GLIS1: variants seen among roughly 807,000 people sequenced by gnomAD.
GLIS1 encodes the protein GLIS family zinc finger 1.
In GLIS1, 24 loss-of-function variants were observed where a neutral mutation model predicts 63.8. The ratio of observed to expected loss-of-function variants is 0.38; its 90% CI spans 0.27 to 0.53. The LOEUF is 0.53. GLIS1 is among the 20% of genes least tolerant of loss of function. The pLI, the probability that GLIS1 is intolerant of heterozygous loss-of-function variation, is 0.85. For synonymous variants in GLIS1, 450 were observed against 482.5 expected (o/e 0.93, Z 0.88); for missense variants, 1,036 against 1,074.1 (o/e 0.96, Z 0.50).
rs554078977 is a variant in GLIS1, at chr1:53,721,346, G to A, written c.259+16460C>T. Among the ~76,000 whole-genome samples the A allele has an allele frequency of 1.5e-4, 23 of 152,298 alleles. No homozygotes were observed. The South Asian group carries it at 2.1e-3, about 14-fold the overall frequency. On this transcript the variant is annotated intron_variant, in intron 2 of 10. Coordinates refer to ENST00000628545, the MANE Select transcript of GLIS1 (RefSeq NM_001367484.1). ...TTTCTTCATCTGCAAATCGGGGAGA[G>A]TAACAGTAACTCCTTCCTAGGGCTG...
intron 2 of GLIS1, among the ~76,000 whole-genome samples, chr1:53,705,140 G>C (rs1288897673): frequency 1.3e-5 from 2 of 152,150 alleles, no homozygotes; most frequent in African/African-American, 4.8e-5. Flanking sequence ...TTCTAACTCA[G>C]TGTCGGGGCC....
chr1:53,710,533 G>A (rs777885995), intron 2 of GLIS1, among the ~76,000 whole-genome samples: 7 of 152,248 alleles, frequency 4.6e-5, no homozygotes, highest in Non-Finnish European at 1.0e-4. Flanking sequence ...ACACCCTGTT[G>A]CTTACAAATT....
Position 53,594,115 on chromosome 1 carries a change from T to C in GLIS1, c.1313A>G (p.Lys438Arg). ...CGGCCGGTGGGAACTCACCATGCAC[T>C]TGTTGGGCTTCTCGCCCGAGTGCAC... ...MRVHSGEKPN[K>R]CMFEGCSKAF... The change falls in exon 4 of 11, where the codon AAG becomes AGG. Residue 438 changes from lysine (K) to arginine (R), a missense_variant. By Grantham distance (26) the Lys-to-Arg change is conservative. Coordinates refer to ENST00000628545, the MANE Select transcript of GLIS1 (RefSeq NM_001367484.1). 6.2e-7 allele frequency: 1 copy of C among 1,608,834 alleles called. No homozygotes were observed. The highest frequency in any genetic ancestry group is 1.1e-5 in the South Asian group (1 of 90,752).
chr1:53,658,515 G>A (rs1645991133), intron 2 of GLIS1, among the ~76,000 whole-genome samples: 1 of 152,214 alleles, frequency 6.6e-6, no homozygotes, highest in Non-Finnish European at 1.5e-5. Context: ...AATTCTGTCA[G>A]GCAACACAGC....
intron 4 of GLIS1, among the ~76,000 whole-genome samples, chr1:53,590,288 A>G (rs1305913894): frequency 6.6e-6 from 1 of 152,130 alleles, no homozygotes; most frequent in Non-Finnish European, 1.5e-5. Flanking sequence ...CTGCCAAGTG[A>G]CTAAACCAGG....
intron 2 of GLIS1, among the ~76,000 whole-genome samples, chr1:53,627,976 T>TAAA (rs1450308390): frequency 6.6e-6 from 1 of 152,252 alleles, no homozygotes; most frequent in East Asian, 1.9e-4. Flanking sequence ...TTGCTCTTTC[T>TAAA]GCCCAATAGA....
intron 4 of GLIS1, among the ~76,000 whole-genome samples, chr1:53,578,079 C>T (rs1645050463): frequency 6.6e-6 from 1 of 152,168 alleles, no homozygotes; most frequent in Non-Finnish European, 1.5e-5. Context: ...CAAACAGTGT[C>T]ACCCTCGGGG....
In GLIS1 at chr1:53,529,782, T is replaced by A. The variant is rs1557434223; in HGVS notation, c.1482+9A>T. On this transcript the variant is annotated intron_variant, in intron 5 of 10. Transcript: ENST00000628545. ...CACCCCGCCCTGGGCCTCTGCCTGT[T>A]GGGCCTACCGTGTCTAGGTGGGTGC... is the stretch of plus-strand genomic sequence containing the variant. 3 of 1,609,494 alleles carry A rather than the reference T, an allele frequency of 1.9e-6. No individual in the cohort carries two copies. The highest frequency in any genetic ancestry group is 2.2e-5 in the South Asian group (2 of 90,862).
chr1:53,541,944 T>A (rs1400433430), intron 4 of GLIS1, among the ~76,000 whole-genome samples: 3 of 152,186 alleles, frequency 2.0e-5, no homozygotes, highest in Admixed American at 6.5e-5. Context: ...GCTCCTCCTG[T>A]GGCCAGTGAT....
intron 2 of GLIS1, among the ~76,000 whole-genome samples, chr1:53,644,341 A>G (rs1276504886): frequency 6.6e-6 from 1 of 152,208 alleles, no homozygotes; most frequent in Non-Finnish European, 1.5e-5. Context: ...ATATTGATGA[A>G]TTTTTCTTCA....
intron 2 of GLIS1, among the ~76,000 whole-genome samples, chr1:53,711,704 T>C (rs1215028830): frequency 6.6e-6 from 1 of 152,266 alleles, no homozygotes; most frequent in Non-Finnish European, 1.5e-5. Context: ...GGAAATCTCT[T>C]GGTTCAGTGT....
rs71722107 is a variant in GLIS1, at chr1:53,539,280, TCA to T, written c.1321-9330_1321-9329del. Among the ~76,000 whole-genome samples the T allele has an allele frequency of 0.38, 55,875 of 147,798 alleles. 10,586 individuals carry two copies. The highest frequency in any genetic ancestry group is 0.4 in the Admixed American group (6,040 of 14,940). On this transcript the variant is annotated intron_variant, in intron 4 of 10. Coordinates refer to ENST00000628545, the MANE Select transcript of GLIS1 (RefSeq NM_001367484.1). This position sits in a 1 kb window ranked among gnomAD's most constrained non-coding sequence, Gnocchi z 5.0. Reference sequence around the variant, plus strand: ...CACACACCAAGACCCAGAAACTCCCTCACACACACACACACACACTACACCTA... The same window carrying T: ...CACACACCAAGACCCAGAAACTCCCTCACACACACACACACACTACACCTA...
rs1177366824 is a variant in GLIS1, at chr1:53,592,114, A to T, written c.1320+1994T>A. Among the ~76,000 whole-genome samples the T allele has an allele frequency of 7.9e-5, 12 of 152,278 alleles. No individual in the cohort carries two copies. The East Asian group carries it at 2.3e-3, about 29-fold the overall frequency. Reference sequence around the variant, plus strand: ...GCCAGTGTAAGCCAGTGTCCTGTGAAGTCTGTGGAATCAAGTGAGATCCTG... The same window carrying T: ...GCCAGTGTAAGCCAGTGTCCTGTGATGTCTGTGGAATCAAGTGAGATCCTG... On this transcript the variant is annotated intron_variant, in intron 4 of 10. Coordinates refer to ENST00000628545, the MANE Select transcript of GLIS1 (RefSeq NM_001367484.1).
In GLIS1 at chr1:53,709,415, C is replaced by CATATACATATAT. The variant is rs777561220; in HGVS notation, c.259+28390_259+28391insATATATGTATAT. ...ATATACATATACATATATATATACA[C>CATATACATATAT]ACACACACACACACACACACACACA... On this transcript the variant is annotated intron_variant, in intron 2 of 10. Coordinates refer to ENST00000628545, the MANE Select transcript of GLIS1 (RefSeq NM_001367484.1). Among the ~76,000 whole-genome samples the CATATACATATAT allele has an allele frequency of 7.0e-4, 86 of 123,622 alleles. 4 individuals are homozygous for CATATACATATAT. Among genetic ancestry groups the CATATACATATAT allele is most frequent in the Middle Eastern group, 4.0e-3 (1 of 252 alleles). The allele number at this position is 123,622 out of a possible 152,430, so 81.1% of individuals were successfully genotyped here.
intron 5 of GLIS1, among the ~76,000 whole-genome samples, chr1:53,527,758 G>C (rs926520855): frequency 5.9e-5 from 9 of 152,276 alleles, no homozygotes; most frequent in Non-Finnish European, 2.9e-5. Flanking sequence ...TGCCTGCGGT[G>C]TTTATGTGGG....
chr1:53,730,896 C>T (rs1646853274), intron 2 of GLIS1, among the ~76,000 whole-genome samples: 1 of 152,192 alleles, frequency 6.6e-6, no homozygotes, highest in Admixed American at 6.5e-5. Flanking sequence ...TCACTCTGAT[C>T]CCCAGCCTGT....
At chr1:53,556,421 A>ATGTG (rs1411828546) in intron 4 of GLIS1, among the ~76,000 whole-genome samples, 14 of 58,450 alleles carry the variant, frequency 2.4e-4, no homozygotes, top group East Asian at 1.3e-3. Context: ...TACTGTAGGT[A>ATGTG]TGTGTGTGCA....
intron 2 of GLIS1, among the ~76,000 whole-genome samples, chr1:53,726,197 C>T (rs1026909193): frequency 6.6e-6 from 1 of 152,112 alleles, no homozygotes; most frequent in South Asian, 2.1e-4. Context: ...GACCCAAGGC[C>T]TTGATGGAAG....
At chr1:53,525,002 G>A (rs1342179581) in intron 5 of GLIS1, 115 bp from the exon 6 acceptor site, 4 of 766,216 alleles carry the variant, frequency 5.2e-6, no homozygotes, top group East Asian at 2.5e-5. Flanking sequence ...CAGGCCAAGA[G>A]TACTCTGCCT....
Sources: gnomAD v4.1 joint callset for allele counts (sites outside exome capture counted in the v4.1 genomes callset) on GRCh38, gnomAD v4.1.1 for gene constraint, Gnocchi (gnomAD v3.1) non-coding constraint, MANE v1.5 for transcripts, NCBI Gene and HGNC (gene_info 2026-07-23, HGNC 2026-07-21) for gene names.